Variants in GRM8 observed in about 807,000 individuals in gnomAD.
The protein encoded by GRM8 is glutamate metabotropic receptor 8.
In GRM8, 47 loss-of-function variants were observed where a neutral mutation model predicts 87.2. The ratio of observed to expected loss-of-function variants is 0.54; its 90% CI spans 0.43 to 0.69. GRM8 has a LOEUF of 0.69. Ranked by LOEUF, GRM8 falls within the 30% of genes least tolerant of loss-of-function variation. The pLI is 0.00. For synonymous variants in GRM8, 396 were observed against 404.5 expected (o/e 0.98, Z 0.25); for missense variants, 1,019 against 1,139.2 (o/e 0.89, Z 1.52).
At chr7:126,705,152 T>G (rs923161943) in intron 7 of GRM8, among the ~76,000 whole-genome samples, 3 of 152,154 alleles carry the variant, frequency 2.0e-5, no homozygotes, top group African/African-American at 7.2e-5. Flanking sequence ...AGAACCTACA[T>G]GACTATCGGG....
intron 7 of GRM8, among the ~76,000 whole-genome samples, chr7:126,692,388 T>C (rs1808921106): frequency 6.6e-6 from 1 of 152,230 alleles, no homozygotes; most frequent in Non-Finnish European, 1.5e-5. Context: ...TGCCTGAGGT[T>C]GAGTCCCAAA....
At chr7:127,124,437 T>C (rs566150503) in intron 2 of GRM8, among the ~76,000 whole-genome samples, 4 of 152,186 alleles carry the variant, frequency 2.6e-5, no homozygotes, top group Non-Finnish European at 4.4e-5. Context: ...CCTCTAGATA[T>C]TCCTTCTTTG....
chr7:126,593,884 C>T (rs1294496689), intron 8 of GRM8, among the ~76,000 whole-genome samples: 1 of 151,922 alleles, frequency 6.6e-6, no homozygotes, highest in Non-Finnish European at 1.5e-5. Flanking sequence ...ATATGATACT[C>T]AAACAGCTCA....
At chr7:127,149,233 A>G (rs1184023757) in intron 2 of GRM8, among the ~76,000 whole-genome samples, 1 of 152,050 alleles carries the variant, frequency 6.6e-6, no homozygotes, top group African/African-American at 2.4e-5. Flanking sequence ...ATAGTAGAAA[A>G]CAAATAACTC....
chr7:127,015,071 G>GAA (rs1335264543), intron 3 of GRM8, among the ~76,000 whole-genome samples: 1 of 82,950 alleles, frequency 1.2e-5, no homozygotes, highest in East Asian at 3.1e-4. Context: ...GAAGAAGAAA[G>GAA]AAAGAAGGAG....
intron 9 of GRM8, among the ~76,000 whole-genome samples, chr7:126,477,633 A>AAG (rs1221967526): frequency 2.7e-4 from 40 of 150,562 alleles, no homozygotes; most frequent in African/African-American, 9.6e-4. Context: ...GAAAGAAAGA[A>AAG]AGAAAAAACG....
chr7:126,504,027 G>T (rs537793588), intron 9 of GRM8, among the ~76,000 whole-genome samples: 7 of 151,972 alleles, frequency 4.6e-5, no homozygotes, highest in Non-Finnish European at 8.8e-5. Context: ...GAGAATTAGG[G>T]GTTGTTCTGT....
chr7:126,596,291 C>T (rs1371356901), intron 8 of GRM8, among the ~76,000 whole-genome samples: 1 of 152,116 alleles, frequency 6.6e-6, no homozygotes, highest in Non-Finnish European at 1.5e-5. Context: ...ATAAACATTC[C>T]CATTTTCTCC....
intron 8 of GRM8, among the ~76,000 whole-genome samples, chr7:126,551,967 G>A (rs757721441): frequency 1.3e-5 from 2 of 152,002 alleles, no homozygotes; most frequent in Non-Finnish European, 2.9e-5. Flanking sequence ...TCTACCTTTT[G>A]AGCATCACAT....
chr7:126,861,215 T>A (rs139564940), intron 6 of GRM8, among the ~76,000 whole-genome samples: 1 of 152,088 alleles, frequency 6.6e-6, no homozygotes, highest in East Asian at 1.9e-4. Context: ...TTATAAAGAG[T>A]GTATTATACT....
chr7:126,638,934 C>CT (rs1006703463), intron 7 of GRM8, among the ~76,000 whole-genome samples: 3 of 152,282 alleles, frequency 2.0e-5, no homozygotes, highest in African/African-American at 7.2e-5. Context: ...CTTCTGTACT[C>CT]TACTTCAACC....
intron 2 of GRM8, among the ~76,000 whole-genome samples, chr7:127,197,985 CA>C (rs369533915): frequency 0.017 from 2,491 of 144,142 alleles, 32 homozygotes; most frequent in South Asian, 0.046. Flanking sequence ...GATGTGGAAT[CA>C]AAAAAAAAAG....
At chr7:126,763,792 C>T (rs1585836467) in intron 7 of GRM8, among the ~76,000 whole-genome samples, 1 of 151,594 alleles carries the variant, frequency 6.6e-6, no homozygotes, top group East Asian at 1.9e-4. Context: ...GAAAATACTC[C>T]CTAGTTATTC....
rs148465467 is a variant in GRM8 at position 126,755,335 on chromosome 7, T to C, written c.1357+14530A>G. On this transcript the variant is annotated intron_variant, in intron 7 of 10. Transcript: ENST00000339582. ...TTTATGGTTTTGGCTGAAGTTTATC[T>C]AGAAGGATCAGAGAGATATACCCAA... Among the ~76,000 whole-genome samples the C allele has an allele frequency of 3.7e-3, 557 of 152,086 alleles. 3 individuals carry two copies. The highest frequency in any genetic ancestry group is 0.01 in the Middle Eastern group (3 of 294).
chr7:126,812,478 C>T (rs1793392573), intron 6 of GRM8, among the ~76,000 whole-genome samples: 1 of 151,862 alleles, frequency 6.6e-6, no homozygotes, highest in Non-Finnish European at 1.5e-5. Flanking sequence ...AGGAGAGGTA[C>T]AGTAAAAGTA....
chr7:126,526,636 T>C (rs1298983391), intron 9 of GRM8, among the ~76,000 whole-genome samples: 1 of 152,210 alleles, frequency 6.6e-6, no homozygotes, highest in Admixed American at 6.5e-5. Context: ...TGAGCAAATA[T>C]TTATTTGTGC....
At chr7:127,146,918 A>C (rs1828584360) in intron 2 of GRM8, among the ~76,000 whole-genome samples, 1 of 152,058 alleles carries the variant, frequency 6.6e-6, no homozygotes, top group Non-Finnish European at 1.5e-5. Flanking sequence ...AAGGATCTCC[A>C]ACTTAAAAAG....
At chr7:126,592,670 C>T (rs1796798955) in intron 8 of GRM8, among the ~76,000 whole-genome samples, 2 of 151,600 alleles carry the variant, frequency 1.3e-5, no homozygotes, top group South Asian at 4.2e-4. Context: ...TAATAAAGGC[C>T]ATATATGACA....
intron 8 of GRM8, among the ~76,000 whole-genome samples, chr7:126,603,750 T>C (rs1401065685): frequency 6.6e-6 from 1 of 152,094 alleles, no homozygotes; most frequent in Non-Finnish European, 1.5e-5. Flanking sequence ...TATGTATGTA[T>C]GTGTTTGTGT....
Sources: allele counts gnomAD v4.1 joint callset (sites outside exome capture counted in the v4.1 genomes callset), GRCh38; gene constraint gnomAD v4.1.1; transcripts MANE v1.5; gene names NCBI Gene and HGNC (gene_info 2026-07-23, HGNC 2026-07-21).